DIAPH2: variants seen among roughly 807,000 people sequenced by gnomAD.
DIAPH2 encodes protein diaphanous homolog 2.
A neutral mutation model predicts 92.7 loss-of-function variants in DIAPH2; 35 were observed. The observed-to-expected ratio is 0.38, with a 90% CI of 0.29 to 0.50. The LOEUF is 0.50. Ranked by LOEUF, DIAPH2 falls within the 20% of genes least tolerant of loss-of-function variation. The pLI is 0.94. For synonymous variants in DIAPH2, 301 were observed against 280.4 expected (o/e 1.07, Z -0.73); for missense variants, 701 against 819.5 (o/e 0.86, Z 1.77).
chrX:96,966,158 A>T (rs1385129566), intron 17 of DIAPH2, among the ~76,000 whole-genome samples: 2 of 111,211 alleles, frequency 1.8e-5, no homozygotes, highest in Non-Finnish European at 3.8e-5. Context: ...GTTCTTTGTA[A>T]ATTGAAGTTC....
intron 18 of DIAPH2, among the ~76,000 whole-genome samples, chrX:97,074,670 C>G (rs2066693177): frequency 8.9e-6 from 1 of 111,873 alleles, no homozygotes; most frequent in African/African-American, 3.3e-5. Flanking sequence ...GCAGAGCACA[C>G]TGATGATTTA....
intron 4 of DIAPH2, among the ~76,000 whole-genome samples, chrX:96,871,256 CAGG>C (rs901037202): frequency 9.1e-6 from 1 of 109,770 alleles, no homozygotes; most frequent in African/African-American, 3.3e-5. Context: ...ATCATGAGGT[CAGG>C]AGATCAAGAC....
rs546324601 is a variant in DIAPH2, at chrX:96,837,674, G to T, written c.448-43905G>T. ...TCATTGTAAGTAAAAGGGGGACTTGGATTTTGGTTATAAAAACGTTTATGC... is the reference window on the plus strand; with the variant it reads ...TCATTGTAAGTAAAAGGGGGACTTGTATTTTGGTTATAAAAACGTTTATGC... On this transcript the variant is annotated intron_variant, in intron 4 of 26. Transcript: ENST00000324765. 9.0e-5 allele frequency among the ~76,000 whole-genome samples: 10 copies of T among 111,186 alleles called. No individual in the cohort carries two copies. In the East Asian group the frequency reaches 2.5e-3, roughly 28 times the overall value.
chrX:96,826,417 TA>T (rs1235195532), intron 4 of DIAPH2, among the ~76,000 whole-genome samples: 13 of 102,743 alleles, frequency 1.3e-4, no homozygotes, highest in Middle Eastern at 5.1e-3. Context: ...GCTCTGTCTT[TA>T]AAAAAAAAAA....
intron 22 of DIAPH2, among the ~76,000 whole-genome samples, chrX:97,226,992 C>G (rs1409321364): frequency 9.0e-6 from 1 of 110,983 alleles, no homozygotes; most frequent in Non-Finnish European, 1.9e-5. Context: ...CAAAATTGGC[C>G]AGGTGCGGTT....
At chrX:97,306,250 T>C (rs2068746189) in intron 23 of DIAPH2, among the ~76,000 whole-genome samples, 1 of 111,165 alleles carries the variant, frequency 9.0e-6, no homozygotes, top group Non-Finnish European at 1.9e-5. Flanking sequence ...TACTACGTTG[T>C]AGATGGTGAG....
intron 21 of DIAPH2, among the ~76,000 whole-genome samples, chrX:97,136,950 T>G (rs1369162205): frequency 9.1e-6 from 1 of 110,331 alleles, no homozygotes; most frequent in Non-Finnish European, 1.9e-5. Flanking sequence ...GTTTCTTTTC[T>G]ATATCATTTT....
chrX:97,025,520 C>T (rs894669225), intron 17 of DIAPH2, among the ~76,000 whole-genome samples: 39 of 109,438 alleles, frequency 3.6e-4, no homozygotes, highest in Non-Finnish European at 6.7e-4. Flanking sequence ...GGCGTGGTGG[C>T]GGGCCCCTGT....
At chrX:97,223,408 T>C (rs1226441909) in intron 22 of DIAPH2, among the ~76,000 whole-genome samples, 2 of 111,314 alleles carry the variant, frequency 1.8e-5, no homozygotes, top group Non-Finnish European at 3.8e-5. Flanking sequence ...TATCAGCTTA[T>C]GGTTTTTTGA....
intron 17 of DIAPH2, among the ~76,000 whole-genome samples, chrX:97,045,612 G>C (rs776144483): frequency 2.7e-5 from 3 of 111,216 alleles, no homozygotes; most frequent in Non-Finnish European, 5.7e-5. Flanking sequence ...AAAGAAAGTA[G>C]AACACTGTGA....
intron 17 of DIAPH2, among the ~76,000 whole-genome samples, chrX:97,016,813 T>G (rs2066264252): frequency 8.9e-6 from 1 of 112,694 alleles, no homozygotes; most frequent in African/African-American, 3.2e-5. Flanking sequence ...ATTGCTTACA[T>G]CATTATGCCC....
chrX:97,330,377 CTA>C (rs768745360), intron 23 of DIAPH2, among the ~76,000 whole-genome samples: 6 of 110,747 alleles, frequency 5.4e-5, no homozygotes, highest in Admixed American at 1.9e-4. Flanking sequence ...CTCTCTGTTT[CTA>C]TGAGTTTGAC....
At chrX:97,570,119 T>TTAGAAG (rs2081281718) in intron 26 of DIAPH2, among the ~76,000 whole-genome samples, 8 of 24,392 alleles carry the variant, frequency 3.3e-4, no homozygotes, top group African/African-American at 4.6e-4. Flanking sequence ...TATATATATA[T>TTAGAAG]ATATTAGAAG....
chrX:96,936,821 T>G (rs2065660793), intron 10 of DIAPH2, among the ~76,000 whole-genome samples: 1 of 112,142 alleles, frequency 8.9e-6, no homozygotes, highest in Non-Finnish European at 1.9e-5. Context: ...CTTGCATTTG[T>G]TCTTCATTAA....
At chrX:97,584,409 C>T (rs1313078264) in intron 26 of DIAPH2, among the ~76,000 whole-genome samples, 1 of 112,209 alleles carries the variant, frequency 8.9e-6, no homozygotes, top group Non-Finnish European at 1.9e-5. Flanking sequence ...TAGGCATAAA[C>T]TCTATATGCT....
At chrX:96,927,807 A>G (rs971940652) in intron 9 of DIAPH2, among the ~76,000 whole-genome samples, 1 of 110,774 alleles carries the variant, frequency 9.0e-6, no homozygotes, top group African/African-American at 3.3e-5. Flanking sequence ...TGCCATTTAT[A>G]CTTTACTGCT....
intron 21 of DIAPH2, among the ~76,000 whole-genome samples, chrX:97,135,800 T>G (rs1448850146): frequency 5.4e-5 from 6 of 111,654 alleles, no homozygotes; most frequent in Non-Finnish European, 9.4e-5. Flanking sequence ...AAAGCACTTA[T>G]GAAAGTGCCT....
In DIAPH2 at chrX:97,353,418, A is replaced by G. The variant is rs1178202763; in HGVS notation, c.3009+5138A>G. On this transcript the variant is annotated intron_variant, in intron 24 of 26. Transcript: ENST00000324765. ...TACTTCTATAACTTTCACAGCTCCA[A>G]ATAAATTATAGAAAATACTTCTTTT... Among the ~76,000 whole-genome samples the G allele has an allele frequency of 2.7e-5, 3 of 111,080 alleles. No homozygotes were observed. The East Asian group carries it at 8.4e-4, about 31-fold the overall frequency.
At chrX:97,143,839 C>T (rs760602477) in intron 22 of DIAPH2, among the ~76,000 whole-genome samples, 2 of 111,613 alleles carry the variant, frequency 1.8e-5, no homozygotes, top group East Asian at 5.6e-4. Context: ...TAAATCCTCT[C>T]ATTTGAAGTA....
Sources: gnomAD v4.1 joint callset for allele counts (sites outside exome capture counted in the v4.1 genomes callset) on GRCh38, gnomAD v4.1.1 for gene constraint, MANE v1.5 for transcripts, NCBI Gene and HGNC (gene_info 2026-07-23, HGNC 2026-07-21) for gene names.